HSDL2: variants seen among roughly 807,000 people sequenced by gnomAD.
The protein encoded by HSDL2 is hydroxysteroid dehydrogenase like 2.
A neutral mutation model predicts 46.3 loss-of-function variants in HSDL2; 27 were observed. That is an observed-to-expected ratio of 0.58 (90% CI 0.43 to 0.80). HSDL2 has a LOEUF of 0.80. Ranked by LOEUF, HSDL2 falls within the 30% of genes least tolerant of loss-of-function variation. The pLI, the probability that HSDL2 is intolerant of heterozygous loss-of-function variation, is 0.00. For synonymous variants in HSDL2, 153 were observed against 163.6 expected, an observed-to-expected ratio of 0.94 and a Z score of 0.50; for missense variants, 451 against 502.7, an observed-to-expected ratio of 0.90 and a Z score of 0.98.
At chr9:112,404,665 T>C (rs969976696) in intron 2 of HSDL2, among the ~76,000 whole-genome samples, 3 of 152,210 alleles carry the variant, frequency 2.0e-5, no homozygotes, top group Admixed American at 6.5e-5. Context: ...TTCTGTGTTA[T>C]TTATTCTCTG....
chr9:112,466,285 T>C (rs2132717061), intron 10 of HSDL2, among the ~76,000 whole-genome samples: 1 of 152,312 alleles, frequency 6.6e-6, no homozygotes, highest in Admixed American at 6.5e-5. Flanking sequence ...CCAGGCGCAG[T>C]GGCTCACCTG....
At chr9:112,390,856 A>G (rs1273134313) in intron 1 of HSDL2, among the ~76,000 whole-genome samples, 1 of 152,166 alleles carries the variant, frequency 6.6e-6, no homozygotes, top group African/African-American at 2.4e-5. Flanking sequence ...CCCTGGCCAT[A>G]AAAGAAAAGA....
rs1177765949 is a variant in HSDL2 at position 112,471,722 on chromosome 9, C to T, written c.*1178C>T. 1 of 152,074 alleles carries T rather than the reference C, an allele frequency of 6.6e-6. No individual in the cohort carries two copies. Among genetic ancestry groups the T allele is most frequent in the Non-Finnish European group, 1.5e-5 (1 of 68,058 alleles). The allele number at this position is 152,074 out of a possible 1,614,324, so 9.4% of individuals were successfully genotyped here. ...ATCTGTGGTATTTTATTATGGCAGC[C>T]CTAGCAAGCTAATACAGTGGTTTGA... On this transcript the variant is annotated 3_prime_UTR_variant, in exon 11 of 11. Transcript: ENST00000398805.
intron 6 of HSDL2, among the ~76,000 whole-genome samples, chr9:112,420,434 G>A (rs1249332439): frequency 1.3e-5 from 2 of 151,924 alleles, no homozygotes; most frequent in African/African-American, 4.8e-5. Flanking sequence ...ACTTTGGGAG[G>A]CTGAGATTGG....
At chr9:112,470,292 T>C in intron 10 of HSDL2, 140 bp from the exon 11 acceptor site, 2 of 501,274 alleles carry the variant, frequency 4.0e-6, no homozygotes, top group South Asian at 3.4e-5. Context: ...GATACTGATA[T>C]AAAATGCTGT....
chr9:112,392,425 A>G (rs965194778), intron 1 of HSDL2, among the ~76,000 whole-genome samples: 1 of 152,226 alleles, frequency 6.6e-6, no homozygotes, highest in Admixed American at 6.5e-5. Flanking sequence ...GCCTGAGGGC[A>G]CTGCAGGAGA....
At chr9:112,453,409 T>TG (rs1832936090) in intron 8 of HSDL2, among the ~76,000 whole-genome samples, 1 of 152,216 alleles carries the variant, frequency 6.6e-6, no homozygotes, top group Admixed American at 6.5e-5. Flanking sequence ...ATTTATTTTT[T>TG]TGAGACAGGG....
At chr9:112,407,869 A>G (rs1245750852) in intron 3 of HSDL2, among the ~76,000 whole-genome samples, 1 of 152,256 alleles carries the variant, frequency 6.6e-6, no homozygotes, top group African/African-American at 2.4e-5. Flanking sequence ...AATAATGAAG[A>G]CCAGGTAGAA....
At position 112,427,865 on chromosome 9, in the gene HSDL2, C is replaced by T. The variant is rs903384801; in HGVS notation, c.598+8907C>T. On this transcript the variant is annotated intron_variant, in intron 6 of 10. Coordinates refer to ENST00000398805, the MANE Select transcript of HSDL2 (RefSeq NM_032303.5). ...ACAACTATTGATTGGACAGTTATCA[C>T]GCAGCAGACATGGGTATTGGGGATA... Among the ~76,000 whole-genome samples the T allele has an allele frequency of 2.6e-5, 4 of 152,168 alleles. No homozygotes were observed. The East Asian group carries it at 5.8e-4, about 22-fold the overall frequency.
At chr9:112,416,001 C>A (rs1831982835) in intron 4 of HSDL2, among the ~76,000 whole-genome samples, 1 of 151,618 alleles carries the variant, frequency 6.6e-6, no homozygotes, top group Admixed American at 6.6e-5. Context: ...CCCAGCTACT[C>A]AGGAGACTGA....
intron 3 of HSDL2, among the ~76,000 whole-genome samples, chr9:112,406,673 T>C (rs1290179118): frequency 1.3e-5 from 2 of 152,160 alleles, no homozygotes; most frequent in Non-Finnish European, 2.9e-5. Flanking sequence ...TTTCGCCACA[T>C]TGGCCAGGCT....
At chr9:112,389,818 A>C (rs1831298936) in intron 1 of HSDL2, among the ~76,000 whole-genome samples, 1 of 152,176 alleles carries the variant, frequency 6.6e-6, no homozygotes, top group South Asian at 2.1e-4. Flanking sequence ...TAATCCCAGC[A>C]CTTTGGGAAG....
intron 1 of HSDL2, among the ~76,000 whole-genome samples, chr9:112,401,526 C>T (rs1470275962): frequency 6.6e-6 from 1 of 150,632 alleles, no homozygotes; most frequent in African/African-American, 2.4e-5. Flanking sequence ...TCCTTGTCAT[C>T]GAATTGATCA....
intron 6 of HSDL2, among the ~76,000 whole-genome samples, chr9:112,435,054 A>G (rs1832492921): frequency 6.6e-6 from 1 of 152,056 alleles, no homozygotes; most frequent in African/African-American, 2.4e-5. Flanking sequence ...TATTGTTACC[A>G]GTTTTTTCTA....
intron 6 of HSDL2, among the ~76,000 whole-genome samples, chr9:112,421,869 G>A (rs1476059736): frequency 1.3e-5 from 2 of 152,178 alleles, no homozygotes; most frequent in Non-Finnish European, 2.9e-5. Flanking sequence ...GCCTATGAAG[G>A]AATGAGTAAG....
Position 112,408,957 on chromosome 9 carries a change from T to G in HSDL2, c.331T>G (p.Leu111Val), listed in dbSNP as rs1831796337. 1 of 1,608,196 alleles carries G rather than the reference T, an allele frequency of 6.2e-7. No individual in the cohort carries two copies. Among genetic ancestry groups the G allele is most frequent in the African/African-American group, 1.3e-5 (1 of 74,824 alleles). The change falls in exon 4 of 11, where the codon TTG becomes GTG. Residue 111 changes from leucine to valine, a missense_variant. Transcript: ENST00000398805. ...CAGTGCCATTAGTTTGACCAATACA[T>G]TGGACACACCTACCAAGAGATTGGA... The part of the protein sequence containing the change: ...NASAISLTNT[L>V]DTPTKRLDLM...
At chr9:112,401,614 C>T (rs149783544) in intron 1 of HSDL2, among the ~76,000 whole-genome samples, 1 of 151,888 alleles carries the variant, frequency 6.6e-6, no homozygotes, top group Non-Finnish European at 1.5e-5. Context: ...TGGCCTGGGG[C>T]CATAGTTTGC....
chr9:112,418,751 A>C (rs143631187), intron 5 of HSDL2, 109 bp from the exon 6 acceptor site: 2 of 479,710 alleles, frequency 4.2e-6, no homozygotes, highest in African/African-American at 4.0e-5. Flanking sequence ...ATACATGCAC[A>C]CATATATCAG....
intron 3 of HSDL2, among the ~76,000 whole-genome samples, chr9:112,407,421 T>C (rs1433931238): frequency 1.3e-5 from 2 of 152,090 alleles, no homozygotes; most frequent in South Asian, 2.1e-4. Flanking sequence ...TTAGTTCTTT[T>C]TTTTTTCTTC....
Sources: allele counts gnomAD v4.1 joint callset (sites outside exome capture counted in the v4.1 genomes callset), GRCh38; gene constraint gnomAD v4.1.1; transcripts MANE v1.5; gene names NCBI Gene and HGNC (gene_info 2026-07-23, HGNC 2026-07-21).